Variants in KDM4F observed in about 807,000 individuals in gnomAD.
The protein encoded by KDM4F is probable lysine-specific demethylase 4F.
For missense variants in KDM4F, 586 were observed against 496.4 expected, an observed-to-expected ratio of 1.18 and a Z score of -1.71; for synonymous variants, 223 against 184.4, an observed-to-expected ratio of 1.21 and a Z score of -1.70.
chr11:95,050,739 C>T (rs1009153469), exon 1 of KDM4F: 6 of 645,004 alleles, frequency 9.3e-6, no homozygotes, highest in South Asian at 7.1e-5. Flanking sequence ...TGGTCGAGGC[C>T]GTGGTCGTCG....
chr11:95,051,179 G>A (rs782510412), exon 1 of KDM4F: 44 of 398,710 alleles, frequency 1.1e-4, no homozygotes, highest in African/African-American at 5.6e-4. Flanking sequence ...CTAGGGTTCC[G>A]GTCCCAACTA....
chr11:95,050,873 G>T, exon 1 of KDM4F: 1 of 534,430 alleles, frequency 1.9e-6, no homozygotes, highest in Non-Finnish European at 3.3e-6. Flanking sequence ...ATGAAGCTTT[G>T]ACAGACAAAC....
chr11:95,050,311 GGATT>G, the KDM4F span: 2 of 1,354,478 alleles, frequency 1.5e-6, no homozygotes, highest in Non-Finnish European at 2.1e-6. Context: ...ACTCCACGAT[GGATT>G]GATTATGGTA....
chr11:95,049,705 T>C (rs1858491424), exon 1 of KDM4F: 2 of 1,604,252 alleles, frequency 1.2e-6, no homozygotes, highest in Non-Finnish European at 1.7e-6. Context: ...GCCATGAGGG[T>C]GGGGCAGTAT....
exon 1 of KDM4F, chr11:95,049,785 T>C (rs11517524): frequency 1.9e-5 from 30 of 1,599,588 alleles, no homozygotes; most frequent in Non-Finnish European, 2.4e-5. Context: ...GGAGCAACGA[T>C]ACTGGAAGAG....
chr11:95,051,337 G>A (rs187749169), exon 1 of KDM4F: 85 of 398,598 alleles, frequency 2.1e-4, no homozygotes, highest in Non-Finnish European at 3.2e-4. Flanking sequence ...AATGTCAAGT[G>A]ATATCTACTT....
At chr11:95,050,329 T>G (rs1165419130) in exon 1 of KDM4F, 12 of 1,285,326 alleles carry the variant, frequency 9.3e-6, no homozygotes, top group Non-Finnish European at 1.4e-5. Flanking sequence ...TATGGTAAAG[T>G]GGCTTCACAG....
chr11:95,050,761 TG>T, the KDM4F span: 1 of 650,626 alleles, frequency 1.5e-6, no homozygotes, highest in Non-Finnish European at 2.8e-6. Flanking sequence ...CCTCGAGAAC[TG>T]GGGACTGAGG....
chr11:95,050,161 C>T (rs539076721), exon 1 of KDM4F: 27 of 1,546,322 alleles, frequency 1.7e-5, no homozygotes, highest in Admixed American at 6.7e-5. Context: ...GCCCTCATCT[C>T]GCCTACAGTT....
Position 95,049,835 on chromosome 11 carries a change from C to T in KDM4F, c.414C>T (p.Ser138=), listed in dbSNP as rs1301336739. 7 of 1,597,602 alleles carry T rather than the reference C, an allele frequency of 4.4e-6. No individual in the cohort carries two copies. In the African/African-American group the frequency reaches 6.7e-5, roughly 15 times the overall value. Residue 138 remains serine (S), a synonymous_variant, in exon 1 of 1, where the codon AGC becomes AGT. Transcript: ENST00000545950. ...CACCAATTTATGGTGCTGATATCAGCGGCTCCTTATTTGAAGAAAGCACTA... is the reference window on the plus strand; with the variant it reads ...CACCAATTTATGGTGCTGATATCAGTGGCTCCTTATTTGAAGAAAGCACTA...
chr11:95,050,242 A>G, exon 1 of KDM4F: 1 of 1,546,204 alleles, frequency 6.5e-7, no homozygotes, highest in Non-Finnish European at 8.9e-7. Flanking sequence ...ACTTTTCCCT[A>G]TGGCTACCAT....
chr11:95,050,270 C>T, exon 1 of KDM4F: 1 of 1,510,226 alleles, frequency 6.6e-7, no homozygotes, highest in Non-Finnish European at 9.2e-7. Context: ...TCAATCACGG[C>T]TTCAACTGCG....
exon 1 of KDM4F, chr11:95,049,902 T>C (rs1323906884): frequency 1.9e-6 from 3 of 1,610,876 alleles, no homozygotes; most frequent in African/African-American, 2.7e-5. Flanking sequence ...TCTGGACCTG[T>C]TGGAGCAGGA....
exon 1 of KDM4F, chr11:95,049,599 T>C (rs1780697645): frequency 6.3e-7 from 1 of 1,599,134 alleles, no homozygotes; most frequent in African/African-American, 1.3e-5. Flanking sequence ...CAGACAGATG[T>C]ATGATGATAT....
exon 1 of KDM4F, chr11:95,049,907 G>T: frequency 6.2e-7 from 1 of 1,610,770 alleles, no homozygotes; most frequent in Non-Finnish European, 8.5e-7. Flanking sequence ...ACCTGTTGGA[G>T]CAGGAATGTG....
exon 1 of KDM4F, chr11:95,050,784 C>A: frequency 1.6e-6 from 1 of 633,864 alleles, no homozygotes; most frequent in Non-Finnish European, 2.8e-6. Context: ...GACAACTGTT[C>A]AGTCTGCAGC....
exon 1 of KDM4F, chr11:95,050,550 C>G: frequency 1.4e-6 from 1 of 693,678 alleles, no homozygotes; most frequent in South Asian, 1.5e-5. Context: ...TCTCCGGAAC[C>G]ACATAACCAG....
At chr11:95,049,800 C>T (rs1858492673) in exon 1 of KDM4F, 1 of 1,594,004 alleles carries the variant, frequency 6.3e-7, no homozygotes, top group Admixed American at 1.7e-5. Flanking sequence ...GAAGAGCCAC[C>T]CCGGTAATCC....
At chr11:95,049,919 G>A (rs1309928184) in exon 1 of KDM4F, 1 of 1,612,968 alleles carries the variant, frequency 6.2e-7, no homozygotes, top group Non-Finnish European at 8.5e-7. Flanking sequence ...AGGAATGTGG[G>A]GTTGTCATCG....
Sources: allele counts gnomAD v4.1 joint callset, GRCh38; gene constraint gnomAD v4.1.1; transcripts MANE v1.5; gene names NCBI Gene and HGNC (gene_info 2026-07-23, HGNC 2026-07-21).